Variants in TMEM132D observed in about 807,000 individuals in gnomAD.
The protein encoded by TMEM132D is transmembrane protein 132D.
Under a neutral mutation model 62.3 loss-of-function variants are expected in TMEM132D, and 21 were observed. The ratio of observed to expected loss-of-function variants is 0.34; its 90% CI spans 0.24 to 0.49. TMEM132D has a LOEUF of 0.49. Ranked by LOEUF, TMEM132D falls within the 20% of genes least tolerant of loss-of-function variation. TMEM132D has a pLI of 0.99. For missense variants in TMEM132D, 1,346 were observed against 1,402.8 expected (o/e 0.96, Z 0.65); for synonymous variants, 621 against 575.6 (o/e 1.08, Z -1.13).
intron 5 of TMEM132D, among the ~76,000 whole-genome samples, chr12:129,105,221 G>T (rs12367788): frequency 1.0e-3 from 139 of 138,754 alleles, no homozygotes; most frequent in African/African-American, 3.2e-3. Context: ...CCATAAAAAA[G>T]GATGAGTTCA....
chr12:129,513,775 G>A (rs532948284), intron 3 of TMEM132D, among the ~76,000 whole-genome samples: 283 of 150,088 alleles, frequency 1.9e-3, no homozygotes, highest in Non-Finnish European at 2.9e-3. Flanking sequence ...GTGAGCCACC[G>A]CGCCCGGCCA....
chr12:129,439,970 C>A (rs1872894548), intron 3 of TMEM132D, among the ~76,000 whole-genome samples: 1 of 152,092 alleles, frequency 6.6e-6, no homozygotes, highest in African/African-American at 2.4e-5. Flanking sequence ...TTTCCGTGTT[C>A]CCCAAGACAA....
intron 4 of TMEM132D, among the ~76,000 whole-genome samples, chr12:129,261,124 C>T (rs1880539877): frequency 6.6e-6 from 1 of 152,164 alleles, no homozygotes; most frequent in African/African-American, 2.4e-5. Context: ...CTTACATTCC[C>T]ACCAGCAGTG....
intron 5 of TMEM132D, among the ~76,000 whole-genome samples, chr12:129,173,678 A>T (rs1877803756): frequency 6.6e-6 from 1 of 152,148 alleles, no homozygotes; most frequent in African/African-American, 2.4e-5. Flanking sequence ...TTTTATCTCG[A>T]TAATACCATT....
intron 4 of TMEM132D, among the ~76,000 whole-genome samples, chr12:129,240,350 T>G (rs1445950080): frequency 6.6e-6 from 1 of 152,212 alleles, no homozygotes; most frequent in Non-Finnish European, 1.5e-5. Flanking sequence ...AGAAAACTGG[T>G]TTGAATATCC....
chr12:129,402,568 T>C (rs1165449695), intron 3 of TMEM132D, among the ~76,000 whole-genome samples: 2 of 152,136 alleles, frequency 1.3e-5, no homozygotes, highest in East Asian at 1.9e-4. Flanking sequence ...ACAGGCACCA[T>C]TTCTTTTTCT....
intron 4 of TMEM132D, among the ~76,000 whole-genome samples, chr12:129,269,097 C>A (rs999680041): frequency 6.6e-6 from 1 of 151,804 alleles, no homozygotes; most frequent in Non-Finnish European, 1.5e-5. Flanking sequence ...TGCAGCACAC[C>A]AACATGGCAC....
chr12:129,194,966 G>C (rs1209824476), intron 5 of TMEM132D, among the ~76,000 whole-genome samples: 1 of 152,128 alleles, frequency 6.6e-6, no homozygotes, highest in Admixed American at 6.5e-5. Flanking sequence ...TAGCCCAGTG[G>C]GCAGCAGGCA....
chr12:129,720,204 T>C (rs943492179), intron 1 of TMEM132D, among the ~76,000 whole-genome samples: 3 of 152,226 alleles, frequency 2.0e-5, no homozygotes, highest in Admixed American at 2.0e-4. Flanking sequence ...TCAAATAAAA[T>C]ACTGGAGTGA....
chr12:129,596,556 G>A (rs538774620), intron 2 of TMEM132D, among the ~76,000 whole-genome samples: 5 of 151,654 alleles, frequency 3.3e-5, no homozygotes, highest in Admixed American at 1.3e-4. Context: ...AAATAGTGTC[G>A]GTCATATTGC....
chr12:129,581,119 C>T (rs1485119787), intron 2 of TMEM132D, among the ~76,000 whole-genome samples: 1 of 152,136 alleles, frequency 6.6e-6, no homozygotes, highest in African/African-American at 2.4e-5. Context: ...TCTATTAGTT[C>T]CCTCGAGAGT....
At chr12:129,358,802 G>A (rs1870155161) in intron 3 of TMEM132D, among the ~76,000 whole-genome samples, 1 of 152,114 alleles carries the variant, frequency 6.6e-6, no homozygotes, top group Non-Finnish European at 1.5e-5. Flanking sequence ...GGAATTCCAG[G>A]GAGAAGGAAC....
chr12:129,808,712 T>C (rs1872073819), intron 1 of TMEM132D, among the ~76,000 whole-genome samples: 1 of 152,104 alleles, frequency 6.6e-6, no homozygotes, highest in African/African-American at 2.4e-5. Flanking sequence ...ACAAACTCCT[T>C]TCAGCTCTGA....
chr12:129,868,052 A>ACAGCGTTTCTATGGTACACACATGAGG (rs375981747), intron 1 of TMEM132D, among the ~76,000 whole-genome samples: 18,459 of 151,354 alleles, frequency 0.12, 1,822 homozygotes, highest in East Asian at 0.56. Context: ...CACACATGAG[A>ACAGCGTTTCTATGGTACACACATGAGG]CAGCGTTTCT....
chr12:129,549,843 C>T (rs2137104781), intron 2 of TMEM132D, among the ~76,000 whole-genome samples: 1 of 152,296 alleles, frequency 6.6e-6, no homozygotes, highest in South Asian at 2.1e-4. Flanking sequence ...GAGGTGCCTG[C>T]TCTGTTAGCT....
intron 3 of TMEM132D, among the ~76,000 whole-genome samples, chr12:129,530,460 G>A (rs1876183895): frequency 6.6e-6 from 1 of 152,142 alleles, no homozygotes; most frequent in African/African-American, 2.4e-5. Flanking sequence ...GAGTTTCCGA[G>A]CCTCCCTTTG....
chr12:129,878,494 G>C (rs1874498734), intron 1 of TMEM132D, among the ~76,000 whole-genome samples: 1 of 152,080 alleles, frequency 6.6e-6, no homozygotes, highest in Non-Finnish European at 1.5e-5. Flanking sequence ...GCTACTGGCA[G>C]GAGACTAGAG....
intron 1 of TMEM132D, among the ~76,000 whole-genome samples, chr12:129,728,676 CTTT>C (rs1385778396): frequency 6.6e-6 from 1 of 152,224 alleles, no homozygotes; most frequent in East Asian, 1.9e-4. Flanking sequence ...TCAAATCCTT[CTTT>C]GTCTTACCTT....
intron 4 of TMEM132D, among the ~76,000 whole-genome samples, chr12:129,236,538 A>T (rs561955674): frequency 7.9e-5 from 12 of 151,770 alleles, no homozygotes; most frequent in Admixed American, 4.6e-4. Flanking sequence ...AAAAGAAAAA[A>T]AAAAGAAAAG....
Sources: allele counts gnomAD v4.1 joint callset (sites outside exome capture counted in the v4.1 genomes callset), GRCh38; gene constraint gnomAD v4.1.1; transcripts MANE v1.5; gene names NCBI Gene and HGNC (gene_info 2026-07-23, HGNC 2026-07-21).